The following MTCL2 variants were observed in gnomAD, a reference collection of about 807,000 sequenced individuals.
MTCL2 encodes the protein microtubule crosslinking factor 2, also known as microtubule cross-linking factor 2.
chr20:36,817,726 T>G, the MTCL2 span, among the ~76,000 whole-genome samples: 1 of 152,216 alleles, frequency 6.6e-6, no homozygotes, highest in African/African-American at 2.4e-5. Context: ...CCCTCCAGCC[T>G]GCTCCCATGT....
At chr20:36,785,321 C>T in the MTCL2 span, 2 of 985,272 alleles carry the variant, frequency 2.0e-6, no homozygotes, top group Admixed American at 6.2e-5. Context: ...GGCAAGAATG[C>T]ATGTTTCAAC....
At chr20:36,830,930 A>C in the MTCL2 span, among the ~76,000 whole-genome samples, 1 of 152,166 alleles carries the variant, frequency 6.6e-6, no homozygotes, top group African/African-American at 2.4e-5. Flanking sequence ...ACCTATATCT[A>C]GTTGTCTGGG....
the MTCL2 span, among the ~76,000 whole-genome samples, chr20:36,809,649 C>G: frequency 6.7e-6 from 1 of 150,228 alleles, no homozygotes; most frequent in African/African-American, 2.5e-5. Flanking sequence ...GATCTCGGCT[C>G]ACTGTAACCT....
the MTCL2 span, chr20:36,781,843 T>C: frequency 2.0e-5 from 3 of 152,160 alleles, no homozygotes; most frequent in East Asian, 5.8e-4. Context: ...GTTTTATTTT[T>C]TATTTTTTTT....
chr20:36,837,546 ACATTATTATTAT>A, the MTCL2 span, among the ~76,000 whole-genome samples: 69 of 135,050 alleles, frequency 5.1e-4, no homozygotes, highest in Admixed American at 1.0e-3. Context: ...CATTTTACCC[ACATTATTATTAT>A]TATTATTATT....
the MTCL2 span, chr20:36,793,209 C>T: frequency 3.3e-6 from 5 of 1,522,064 alleles, no homozygotes; most frequent in Admixed American, 4.2e-5. The surrounding 1 kb of genome is among the most constrained non-coding windows in gnomAD (Gnocchi z 6.8). Context: ...TATATACTAA[C>T]TCCACCTACT....
At chr20:36,816,336 G>C in the MTCL2 span, 1 of 1,535,118 alleles carries the variant, frequency 6.5e-7, no homozygotes, top group Non-Finnish European at 8.7e-7. Flanking sequence ...ACACAACCCA[G>C]GAAGGTTAGT....
the MTCL2 span, among the ~76,000 whole-genome samples, chr20:36,787,947 T>C: frequency 2.2e-5 from 3 of 138,416 alleles, no homozygotes; most frequent in Admixed American, 7.6e-5. Context: ...ACACCTGTAA[T>C]GCCAGCACTT....
At chr20:36,797,277 T>G in the MTCL2 span, among the ~76,000 whole-genome samples, 1 of 151,760 alleles carries the variant, frequency 6.6e-6, no homozygotes, top group Admixed American at 6.6e-5. Context: ...TTCTTCCTCC[T>G]CAACCCTACC....
At chr20:36,814,665 T>A in the MTCL2 span, among the ~76,000 whole-genome samples, 1 of 152,152 alleles carries the variant, frequency 6.6e-6, no homozygotes, top group Non-Finnish European at 1.5e-5. Context: ...GGCGGTCGGA[T>A]CACTTGAAGT....
the MTCL2 span, among the ~76,000 whole-genome samples, chr20:36,853,755 T>TG: frequency 6.7e-6 from 1 of 149,132 alleles, no homozygotes; most frequent in Admixed American, 6.7e-5. Context: ...TGGTTGTTGT[T>TG]GGTAAGAGAC....
At chr20:36,778,827 A>C in the MTCL2 span, 3 of 152,284 alleles carry the variant, frequency 2.0e-5, no homozygotes, top group Non-Finnish European at 4.4e-5. Flanking sequence ...AGAAGTGAAG[A>C]CATCTGCCCA....
At chr20:36,828,357 C>T in the MTCL2 span, among the ~76,000 whole-genome samples, 4 of 152,188 alleles carry the variant, frequency 2.6e-5, no homozygotes, top group South Asian at 8.3e-4. Flanking sequence ...GTTTGCTCAT[C>T]CACAAAATGG....
At chr20:36,826,308 TC>T in the MTCL2 span, among the ~76,000 whole-genome samples, 6 of 5,094 alleles carry the variant, frequency 1.2e-3, no homozygotes, top group African/African-American at 6.3e-3. Context: ...CCCCTCCCCC[TC>T]CCCCTCCCCC....
chr20:36,803,922 A>T, the MTCL2 span, among the ~76,000 whole-genome samples: 1 of 133,108 alleles, frequency 7.5e-6, no homozygotes, highest in Admixed American at 9.0e-5. Flanking sequence ...GCACCACTGC[A>T]CTCCAGCCTG....
At chr20:36,813,470 A>G in the MTCL2 span, among the ~76,000 whole-genome samples, 1 of 152,014 alleles carries the variant, frequency 6.6e-6, no homozygotes, top group Admixed American at 6.6e-5. Context: ...ACGATGGCTC[A>G]CACCTGCAAT....
the MTCL2 span, among the ~76,000 whole-genome samples, chr20:36,853,876 C>T: frequency 3.3e-5 from 5 of 152,166 alleles, no homozygotes; most frequent in South Asian, 2.1e-4. Flanking sequence ...CTGGGGCATT[C>T]GTGTCAGGAA....
At chr20:36,784,969 A>T in the MTCL2 span, 149 of 985,458 alleles carry the variant, frequency 1.5e-4, no homozygotes, top group African/African-American at 2.4e-3. Flanking sequence ...AGCTTTAGTA[A>T]TCCACGTTCG....
the MTCL2 span, chr20:36,784,893 G>A: frequency 2.5e-5 from 25 of 985,324 alleles, no homozygotes; most frequent in Non-Finnish European, 3.0e-5. Context: ...CATTCTCAAA[G>A]TTCAGTCCTG....
Sources: gnomAD v4.1 joint callset for allele counts (sites outside exome capture counted in the v4.1 genomes callset) on GRCh38, gnomAD v4.1.1 for gene constraint, Gnocchi (gnomAD v3.1) non-coding constraint, MANE v1.5 for transcripts, NCBI Gene and HGNC (gene_info 2026-07-23, HGNC 2026-07-21) for gene names.